Variants in IL6ST observed in about 807,000 individuals in gnomAD.
IL6ST encodes the protein interleukin 6 cytokine family signal transducer.
In IL6ST, 24 loss-of-function variants were observed where a neutral mutation model predicts 91.3. The observed-to-expected ratio is 0.26, with a 90% confidence interval of 0.19 to 0.37. IL6ST has a LOEUF of 0.37. Among genes scored for constraint, IL6ST ranks in the 10% least tolerant of loss-of-function variants. The pLI, the probability that IL6ST is intolerant of heterozygous loss-of-function variation, is 1.00. For missense variants in IL6ST, 914 were observed against 1,078.5 expected (o/e 0.85, Z 2.14); for synonymous variants, 351 against 373.6 (o/e 0.94, Z 0.70).
chr5:55,967,117 C>G (rs10050978), intron 5 of IL6ST, among the ~76,000 whole-genome samples: 1 of 151,458 alleles, frequency 6.6e-6, no homozygotes, highest in Non-Finnish European at 1.5e-5. Context: ...CAAGACCAGC[C>G]TGACCAACAT....
chr5:55,946,007 A>AT (rs749379521), intron 15 of IL6ST, among the ~76,000 whole-genome samples: 4 of 152,192 alleles, frequency 2.6e-5, no homozygotes, highest in Non-Finnish European at 5.9e-5. Flanking sequence ...TGCAAAACGT[A>AT]TTTAACAATG....
intron 7 of IL6ST, among the ~76,000 whole-genome samples, chr5:55,963,067 C>A (rs1474272224): frequency 3.3e-5 from 5 of 149,438 alleles, no homozygotes; most frequent in African/African-American, 1.2e-4. Context: ...GCGGCCTGGG[C>A]AAATGGAGAC....
chr5:55,992,227 A>C (rs1754374001), intron 1 of IL6ST, among the ~76,000 whole-genome samples: 1 of 152,192 alleles, frequency 6.6e-6, no homozygotes, highest in African/African-American at 2.4e-5. Context: ...TATCCTCAGA[A>C]TCTACCATAG....
At chr5:55,953,043 AGAGT>A (rs1751739029) in intron 11 of IL6ST, among the ~76,000 whole-genome samples, 1 of 152,174 alleles carries the variant, frequency 6.6e-6, no homozygotes, top group African/African-American at 2.4e-5. Context: ...CCTGGGCGAC[AGAGT>A]GAGACTCTGT....
intron 1 of IL6ST, among the ~76,000 whole-genome samples, chr5:55,993,705 A>C (rs1754463476): frequency 6.6e-6 from 1 of 152,236 alleles, no homozygotes; most frequent in Non-Finnish European, 1.5e-5. Flanking sequence ...AAAGAGAAAT[A>C]GTTGGAAAGC....
chr5:55,936,339 AGG>A lies in IL6ST; in HGVS notation c.*4741_*4742del. On this transcript the variant is annotated 3_prime_UTR_variant, in exon 17 of 17. Coordinates refer to ENST00000381298, the MANE Select transcript of IL6ST (RefSeq NM_002184.4). Reference sequence around the variant, plus strand: ...ATACTTGGGCTCTTGACAACCAAGTAGGTTTTTTTTTTTTTTTTTTTTTTTAA... The same window carrying A: ...ATACTTGGGCTCTTGACAACCAAGTATTTTTTTTTTTTTTTTTTTTTTTAA... 1 of 163,882 alleles carries A rather than the reference AGG, an allele frequency of 6.1e-6. No homozygotes were observed. The allele number at this position is 163,882 out of a possible 1,614,324, so 10.2% of individuals were successfully genotyped here.
chr5:55,978,176 G>GT (rs1753426687), intron 2 of IL6ST: 1 of 152,194 alleles, frequency 6.6e-6, no homozygotes, highest in African/African-American at 2.4e-5. Flanking sequence ...ACTCATAACA[G>GT]TAGTCAGAGT....
At chr5:55,960,998 G>A (rs753208071) in intron 7 of IL6ST, among the ~76,000 whole-genome samples, 5 of 151,964 alleles carry the variant, frequency 3.3e-5, no homozygotes, top group Non-Finnish European at 5.9e-5. Flanking sequence ...TGGTGCAATG[G>A]CGCGATCTCA....
chr5:55,957,832 AAAC>A (rs1752080857), intron 8 of IL6ST, among the ~76,000 whole-genome samples: 1 of 152,120 alleles, frequency 6.6e-6, no homozygotes, highest in Non-Finnish European at 1.5e-5. Context: ...TTAAAGAAAA[AAAC>A]TTTTTAAAAT....
chr5:55,977,413 CAGAA>C (rs1344075347), intron 2 of IL6ST, among the ~76,000 whole-genome samples: 3 of 151,914 alleles, frequency 2.0e-5, no homozygotes, highest in Admixed American at 6.6e-5. Context: ...ACTAAGGTGA[CAGAA>C]AGCAGATCCA....
intron 14 of IL6ST, chr5:55,950,146 A>G: frequency 2.1e-6 from 1 of 478,040 alleles, no homozygotes; most frequent in South Asian, 1.5e-5. Flanking sequence ...ATTTAAATTT[A>G]TGGCTTTGGC....
intron 16 of IL6ST, among the ~76,000 whole-genome samples, 158 bp from the exon 17 acceptor site, chr5:55,941,977 A>G (rs956839774): frequency 3.3e-5 from 5 of 152,186 alleles, no homozygotes; most frequent in Non-Finnish European, 5.9e-5. Flanking sequence ...CTATAAAATG[A>G]GTCTAAGTAG....
intron 1 of IL6ST, among the ~76,000 whole-genome samples, 189 bp from the exon 2 acceptor site, chr5:55,983,000 CTTT>C (rs111793262): frequency 7.3e-5 from 10 of 136,800 alleles, no homozygotes; most frequent in Admixed American, 1.5e-4. Flanking sequence ...TATTCTAGTG[CTTT>C]TTTTTTTTTT....
intron 15 of IL6ST, chr5:55,944,655 C>T (rs1436276317): frequency 4.0e-6 from 4 of 996,156 alleles, no homozygotes; most frequent in African/African-American, 1.6e-5. Context: ...ACCTCGGCGC[C>T]ATGAGAGCCA....
At chr5:55,947,463 A>C (rs935105382) in intron 15 of IL6ST, 30 bp downstream of exon 15, 1 of 1,230,994 alleles carries the variant, frequency 8.1e-7, no homozygotes, top group Non-Finnish European at 1.2e-6. Context: ...AGCTGGGGGA[A>C]AATGCAAAAA....
Position 55,970,909 on chromosome 5 carries a change from AAAACAAAACAAAAC to A in IL6ST, c.65-1068_65-1055del, listed in dbSNP as rs1752925759. 2.0e-5 allele frequency among the ~76,000 whole-genome samples: 3 copies of A among 152,232 alleles called. No homozygotes were observed. In the South Asian group the frequency reaches 6.2e-4, roughly 32 times the overall value. On this transcript the variant is annotated intron_variant, in intron 3 of 16. Coordinates refer to ENST00000381298, the MANE Select transcript of IL6ST (RefSeq NM_002184.4). ...AGAGTGAGACAGAGTCTCAAAAAAC[AAAACAAAACAAAAC>A]AAACAAAACAAAACACAAAGAATCA...
At chr5:55,969,937 A>G in intron 3 of IL6ST, 82 bp from the exon 4 acceptor site, 1 of 846,230 alleles carries the variant, frequency 1.2e-6, no homozygotes, top group Non-Finnish European at 1.9e-6. Flanking sequence ...CACTCAATGT[A>G]GAGTCCCTCA....
chr5:55,977,831 G>GACACACAC (rs113287344), intron 2 of IL6ST, among the ~76,000 whole-genome samples: 2 of 149,036 alleles, frequency 1.3e-5, no homozygotes, highest in Non-Finnish European at 3.0e-5. Context: ...GACACACACA[G>GACACACAC]ACACACACAC....
intron 1 of IL6ST, among the ~76,000 whole-genome samples, chr5:55,986,619 T>G (rs1321688177): frequency 6.6e-6 from 1 of 152,246 alleles, no homozygotes; most frequent in African/African-American, 2.4e-5. Context: ...GTTTTCTTCT[T>G]GACTGTTCTT....
Sources: gnomAD v4.1 joint callset for allele counts (sites outside exome capture counted in the v4.1 genomes callset) on GRCh38, gnomAD v4.1.1 for gene constraint, MANE v1.5 for transcripts, NCBI Gene and HGNC (gene_info 2026-07-23, HGNC 2026-07-21) for gene names.